PXDNL: variants seen among roughly 807,000 people sequenced by gnomAD.
PXDNL encodes probable oxidoreductase PXDNL.
Under a neutral mutation model 150.8 loss-of-function variants are expected in PXDNL, and 145 were observed. That is an observed-to-expected ratio of 0.96 (90% confidence interval 0.84 to 1.10). The LOEUF (loss-of-function observed/expected upper bound fraction) is 1.10, where lower values mean the gene tolerates loss of function less well. Ranked by LOEUF, PXDNL falls within the 50% of genes least tolerant of loss-of-function variation. The pLI is 0.00. For synonymous variants in PXDNL, 757 were observed against 725.7 expected, an observed-to-expected ratio of 1.04 and a Z score of -0.69; for missense variants, 2,087 against 1,873.9, an observed-to-expected ratio of 1.11 and a Z score of -2.10.
chr8:51,550,924 A>G (rs541363221), intron 4 of PXDNL, among the ~76,000 whole-genome samples: 15 of 152,170 alleles, frequency 9.9e-5, no homozygotes, highest in Non-Finnish European at 2.1e-4. Context: ...CTAAAGGCTC[A>G]TCCAAAGAGC....
chr8:51,349,793 T>C (rs1224927772), intron 19 of PXDNL, among the ~76,000 whole-genome samples: 1 of 152,212 alleles, frequency 6.6e-6, no homozygotes, highest in Admixed American at 6.5e-5. Context: ...CTATGCAACT[T>C]TGGAACACTA....
At chr8:51,664,819 C>T (rs1442820823) in intron 1 of PXDNL, among the ~76,000 whole-genome samples, 1 of 152,146 alleles carries the variant, frequency 6.6e-6, no homozygotes, top group African/African-American at 2.4e-5. Context: ...TCACCCATCT[C>T]CACACCCTGG....
At chr8:51,534,285 C>T (rs1811998273) in intron 4 of PXDNL, among the ~76,000 whole-genome samples, 1 of 143,074 alleles carries the variant, frequency 7.0e-6, no homozygotes, top group South Asian at 2.2e-4. Context: ...CCCCTCCGTC[C>T]GGCAGCCACC....
At chr8:51,517,339 C>T (rs549416086) in intron 4 of PXDNL, among the ~76,000 whole-genome samples, 189 of 152,122 alleles carry the variant, frequency 1.2e-3, no homozygotes, top group African/African-American at 3.9e-3. Flanking sequence ...TCAAAATATA[C>T]GAAAATATAT....
chr8:51,419,391 T>C (rs934527900), intron 14 of PXDNL, among the ~76,000 whole-genome samples: 2 of 152,216 alleles, frequency 1.3e-5, no homozygotes, highest in South Asian at 2.1e-4. Flanking sequence ...TTGTACTATT[T>C]TCATAACTAT....
intron 17 of PXDNL, among the ~76,000 whole-genome samples, chr8:51,396,381 C>T (rs900719151): frequency 8.5e-5 from 13 of 152,216 alleles, no homozygotes; most frequent in African/African-American, 3.1e-4. Context: ...GACCAGAGTG[C>T]AGAGCGCCTG....
At position 51,426,866 on chromosome 8, in the gene PXDNL, T is replaced by A. The variant is rs1050028594; in HGVS notation, c.1526-108A>T. On this transcript the variant is annotated intron_variant, in intron 12 of 22. Coordinates refer to ENST00000356297, the MANE Select transcript of PXDNL (RefSeq NM_144651.5). Reference sequence around the variant, plus strand: ...TGAATGCCATATTGGTTAAGCACACTAGTTTTTTAAAAATCAATTACTTGG... The same window carrying A: ...TGAATGCCATATTGGTTAAGCACACAAGTTTTTTAAAAATCAATTACTTGG... The A allele has an allele frequency of 5.1e-5, 32 of 624,048 alleles. 1 individual carries two copies. Among genetic ancestry groups the A allele is most frequent in the Non-Finnish European group, 4.4e-5 (16 of 360,300 alleles). 38.7% of individuals were successfully genotyped at this position (624,048 alleles called of 1,614,324 possible). A position where few individuals can be genotyped will look rare whatever the true frequency, so the allele number is the denominator to read the frequency against.
chr8:51,702,543 C>A (rs940730478), intron 1 of PXDNL, among the ~76,000 whole-genome samples: 1 of 152,126 alleles, frequency 6.6e-6, no homozygotes. Context: ...CAATCCTGTT[C>A]GAAAGATTCT....
At chr8:51,447,493 G>T (rs1166917366) in intron 11 of PXDNL, among the ~76,000 whole-genome samples, 1 of 152,096 alleles carries the variant, frequency 6.6e-6, no homozygotes, top group East Asian at 1.9e-4. Flanking sequence ...TCTTAAATTT[G>T]ATTTTCAGAT....
At chr8:51,322,088 G>T (rs1805338009) in intron 21 of PXDNL, among the ~76,000 whole-genome samples, 1 of 152,148 alleles carries the variant, frequency 6.6e-6, no homozygotes, top group Admixed American at 6.5e-5. Flanking sequence ...GGAGAAGGTG[G>T]CCATCAGCAA....
intron 22 of PXDNL, 184 bp downstream of exon 22, chr8:51,320,600 A>G: frequency 1.8e-6 from 1 of 559,070 alleles, no homozygotes; most frequent in Non-Finnish European, 3.1e-6. Context: ...TTAGATTGTG[A>G]CTATACTCTT....
intron 20 of PXDNL, among the ~76,000 whole-genome samples, chr8:51,341,215 G>A (rs896109381): frequency 2.0e-5 from 3 of 152,162 alleles, no homozygotes; most frequent in Non-Finnish European, 2.9e-5. Flanking sequence ...GCATTAGGAA[G>A]ACAAATAAGA....
chr8:51,611,884 C>A (rs543114412), intron 2 of PXDNL, among the ~76,000 whole-genome samples: 3 of 152,314 alleles, frequency 2.0e-5, no homozygotes, highest in African/African-American at 7.2e-5. Context: ...AGGCCAGGAG[C>A]AGCCGGGATG....
intron 1 of PXDNL, among the ~76,000 whole-genome samples, chr8:51,741,860 C>G (rs1282182033): frequency 6.6e-6 from 1 of 152,152 alleles, no homozygotes; most frequent in Non-Finnish European, 1.5e-5. Context: ...TGTGTACTTA[C>G]CATTGACCCA....
At chr8:51,775,010 A>T (rs1222019283) in intron 1 of PXDNL, among the ~76,000 whole-genome samples, 1 of 152,198 alleles carries the variant, frequency 6.6e-6, no homozygotes, top group Non-Finnish European at 1.5e-5. Flanking sequence ...CTGAAAGTCT[A>T]TGGTAACAGA....
In PXDNL at chr8:51,632,349, C is replaced by A. The variant is rs1814508879; in HGVS notation, c.236+22340G>T. 3.3e-5 allele frequency among the ~76,000 whole-genome samples: 5 copies of A among 152,228 alleles called. No homozygotes were observed. In the South Asian group the frequency reaches 1.0e-3, roughly 32 times the overall value. On this transcript the variant is annotated intron_variant, in intron 2 of 22. Transcript: ENST00000356297. ...GGTGGGGTGGCTCATGCCTGTAATC[C>A]CAGCACTTTGGGAAGCTGAGGCAGG...
intron 5 of PXDNL, among the ~76,000 whole-genome samples, chr8:51,493,032 C>A (rs186242873): frequency 6.6e-6 from 1 of 152,210 alleles, no homozygotes; most frequent in Admixed American, 6.5e-5. Context: ...AGGCACCCCC[C>A]AGTAGGGGCA....
At chr8:51,585,269 C>A (rs899058121) in intron 3 of PXDNL, among the ~76,000 whole-genome samples, 1 of 152,110 alleles carries the variant, frequency 6.6e-6, no homozygotes, top group African/African-American at 2.4e-5. Flanking sequence ...GATTGGGAAA[C>A]ATAAAAGCAA....
At chr8:51,453,173 T>C (rs1054335824) in intron 10 of PXDNL, among the ~76,000 whole-genome samples, 2 of 152,366 alleles carry the variant, frequency 1.3e-5, no homozygotes, top group Middle Eastern at 3.4e-3. Context: ...TAAGTGACTA[T>C]GAACACAGGG....
Sources: allele counts gnomAD v4.1 joint callset (sites outside exome capture counted in the v4.1 genomes callset), GRCh38; gene constraint gnomAD v4.1.1; transcripts MANE v1.5; gene names NCBI Gene and HGNC (gene_info 2026-07-23, HGNC 2026-07-21).